Variants in SULF1 observed in about 807,000 individuals in gnomAD.
SULF1 encodes the protein sulfatase 1.
Under a neutral mutation model 110.5 loss-of-function variants are expected in SULF1, and 46 were observed. The observed-to-expected ratio is 0.42, with a 90% CI of 0.33 to 0.53. SULF1 has a LOEUF of 0.53. SULF1 is among the 20% of genes least tolerant of loss of function. The probability of loss-of-function intolerance (pLI) is 0.12; values close to 1 mark genes in which losing one functional copy is unlikely to be tolerated. For missense variants in SULF1, 941 were observed against 1,094.2 expected (o/e 0.86, Z 1.98); for synonymous variants, 371 against 387.1 (o/e 0.96, Z 0.49).
chr8:69,593,713 C>T (rs1338741391), intron 8 of SULF1, among the ~76,000 whole-genome samples: 1 of 152,210 alleles, frequency 6.6e-6, no homozygotes, highest in Non-Finnish European at 1.5e-5. Flanking sequence ...AACTCAGCTA[C>T]TCATGGCCAC....
chr8:69,507,379 A>C (rs1811268628), intron 3 of SULF1, among the ~76,000 whole-genome samples: 1 of 152,174 alleles, frequency 6.6e-6, no homozygotes, highest in Non-Finnish European at 1.5e-5. Flanking sequence ...GAAGCATTTG[A>C]TCTATGTTGA....
At chr8:69,650,141 G>A (rs1001051769) in intron 22 of SULF1, among the ~76,000 whole-genome samples, 2 of 151,238 alleles carry the variant, frequency 1.3e-5, no homozygotes, top group African/African-American at 2.4e-5. Flanking sequence ...GATTACAGGC[G>A]CATGCCACCA....
chr8:69,592,198 T>C (rs1168791105), intron 8 of SULF1, among the ~76,000 whole-genome samples: 3 of 152,158 alleles, frequency 2.0e-5, no homozygotes, highest in African/African-American at 7.2e-5. Context: ...GGACACGTGG[T>C]CACTGTATAA....
At chr8:69,532,558 T>C (rs527646818) in intron 3 of SULF1, among the ~76,000 whole-genome samples, 47 of 152,310 alleles carry the variant, frequency 3.1e-4, no homozygotes, top group South Asian at 6.2e-4. Context: ...CACAAGCCTC[T>C]GAAAGAAGAG....
chr8:69,575,407 A>T (rs1403410514), intron 5 of SULF1, among the ~76,000 whole-genome samples: 4 of 151,480 alleles, frequency 2.6e-5, no homozygotes, highest in Admixed American at 2.6e-4. Context: ...ACTGGCAAAC[A>T]TTTGGTGAGC....
intron 6 of SULF1, among the ~76,000 whole-genome samples, chr8:69,581,331 C>T (rs7015380): frequency 0.12 from 18,060 of 152,162 alleles, 3,171 homozygotes; most frequent in African/African-American, 0.39. Flanking sequence ...TTGGGTTAGT[C>T]ACTATTGCTG....
At chr8:69,627,740 A>G (rs1810209216) in intron 16 of SULF1, 32 bp from the exon 17 acceptor site, 1 of 1,411,212 alleles carries the variant, frequency 7.1e-7, no homozygotes, top group South Asian at 1.2e-5. Flanking sequence ...TCCTGATCTT[A>G]ATACGTAAGT....
chr8:69,591,204 G>A (rs969700120), intron 8 of SULF1, among the ~76,000 whole-genome samples: 1 of 152,140 alleles, frequency 6.6e-6, no homozygotes, highest in Admixed American at 6.5e-5. Context: ...AATCAGTACT[G>A]CATGAGGGGA....
chr8:69,580,438 A>AG (rs1305844212), intron 6 of SULF1, among the ~76,000 whole-genome samples: 2 of 152,178 alleles, frequency 1.3e-5, no homozygotes, highest in African/African-American at 4.8e-5. Flanking sequence ...AACAAAAAAA[A>AG]CTGAAGCAAG....
chr8:69,487,181 A>ACAGAAT (rs1462910296), intron 1 of SULF1, among the ~76,000 whole-genome samples: 1 of 152,194 alleles, frequency 6.6e-6, no homozygotes, highest in Non-Finnish European at 1.5e-5. Flanking sequence ...ATTTTTCCTG[A>ACAGAAT]CAGATTACTT....
intron 22 of SULF1, among the ~76,000 whole-genome samples, chr8:69,646,131 G>T (rs1228530644): frequency 6.7e-6 from 1 of 149,606 alleles, no homozygotes; most frequent in African/African-American, 2.6e-5. Flanking sequence ...TACATCAAAG[G>T]ATGTAATCCC....
At chr8:69,467,058 CAAT>C (rs1386595690) in intron 1 of SULF1, 1 of 152,166 alleles carries the variant, frequency 6.6e-6, no homozygotes, top group African/African-American at 2.4e-5. Flanking sequence ...GCTGTCCTAT[CAAT>C]GCTGCTATTG....
intron 3 of SULF1, among the ~76,000 whole-genome samples, chr8:69,507,728 C>CA (rs901105801): frequency 4.6e-5 from 7 of 151,418 alleles, no homozygotes; most frequent in Non-Finnish European, 7.4e-5. Flanking sequence ...AGAGAATTTG[C>CA]AAAAAAAATA....
intron 6 of SULF1, among the ~76,000 whole-genome samples, chr8:69,581,667 A>T (rs1806071952): frequency 6.6e-6 from 1 of 152,260 alleles, no homozygotes; most frequent in Admixed American, 6.5e-5. Context: ...TAATGGCAGT[A>T]AGGGCAAGAA....
intron 3 of SULF1, among the ~76,000 whole-genome samples, chr8:69,551,576 C>G (rs1370372057): frequency 6.6e-6 from 1 of 152,142 alleles, no homozygotes; most frequent in African/African-American, 2.4e-5. Flanking sequence ...CTGTCAGCTA[C>G]AAAATAATTG....
intron 1 of SULF1, among the ~76,000 whole-genome samples, chr8:69,481,059 A>G (rs1809500630): frequency 1.3e-5 from 2 of 152,126 alleles, no homozygotes; most frequent in African/African-American, 4.8e-5. Context: ...AAAAATAAAA[A>G]TAAAAGTTTT....
chr8:69,621,319 A>T, intron 14 of SULF1, 68 bp downstream of exon 14: 1 of 1,178,646 alleles, frequency 8.5e-7, no homozygotes, highest in Non-Finnish European at 1.2e-6. Flanking sequence ...TAGAGAGACG[A>T]AAGGGTTGCT....
intron 21 of SULF1, 75 bp from the exon 22 acceptor site, chr8:69,640,733 A>G (rs1811414044): frequency 7.7e-7 from 1 of 1,293,368 alleles, no homozygotes; most frequent in Non-Finnish European, 1.1e-6. Context: ...GATGTTGTGC[A>G]TGAAAAACTA....
intron 5 of SULF1, among the ~76,000 whole-genome samples, chr8:69,569,868 T>TA (rs1193411483): frequency 2.0e-5 from 3 of 151,958 alleles, no homozygotes; most frequent in Admixed American, 1.3e-4. Flanking sequence ...TGGTTTTAGG[T>TA]AAAAAACATC....
Sources: allele counts gnomAD v4.1 joint callset (sites outside exome capture counted in the v4.1 genomes callset), GRCh38; gene constraint gnomAD v4.1.1; transcripts MANE v1.5; gene names NCBI Gene and HGNC (gene_info 2026-07-23, HGNC 2026-07-21).